Variants in NRG3 observed in about 807,000 individuals in gnomAD.
NRG3 encodes neuregulin 3, also known as pro-neuregulin-3, membrane-bound isoform.
A neutral mutation model predicts 66.9 loss-of-function variants in NRG3; 31 were observed. The ratio of observed to expected loss-of-function variants is 0.46; its 90% CI spans 0.35 to 0.63. The LOEUF is 0.63. Among genes scored for constraint, NRG3 ranks in the 20% least tolerant of loss-of-function variants. NRG3 has a pLI of 0.00. For synonymous variants in NRG3, 393 were observed against 359.4 expected, an observed-to-expected ratio of 1.09 and a Z score of -1.06; for missense variants, 910 against 878.9, an observed-to-expected ratio of 1.04 and a Z score of -0.45.
intron 4 of NRG3, among the ~76,000 whole-genome samples, chr10:82,909,526 T>G (rs945841673): frequency 1.7e-4 from 26 of 152,246 alleles, no homozygotes; most frequent in African/African-American, 6.3e-4. Flanking sequence ...ACCCTCCAAG[T>G]ACCATTCACT....
At chr10:82,712,158 T>C (rs2056709046) in intron 2 of NRG3, among the ~76,000 whole-genome samples, 1 of 151,518 alleles carries the variant, frequency 6.6e-6, no homozygotes, top group Non-Finnish European at 1.5e-5. Context: ...AAAAAATATT[T>C]TCTTCTAAAT....
At chr10:82,707,004 AAT>A (rs1379195259) in intron 2 of NRG3, among the ~76,000 whole-genome samples, 44 of 114,496 alleles carry the variant, frequency 3.8e-4, no homozygotes, top group African/African-American at 1.2e-3. Flanking sequence ...AAAAAAAAAA[AAT>A]AAAATAAAAT....
At chr10:82,023,605 T>A (rs1448426166) in intron 1 of NRG3, among the ~76,000 whole-genome samples, 1 of 152,132 alleles carries the variant, frequency 6.6e-6, no homozygotes, top group Non-Finnish European at 1.5e-5. Context: ...TCAGCAGCTA[T>A]GATCATATGG....
chr10:82,482,703 A>G (rs371908137), intron 2 of NRG3, among the ~76,000 whole-genome samples: 1 of 152,136 alleles, frequency 6.6e-6, no homozygotes, highest in Non-Finnish European at 1.5e-5. Flanking sequence ...ATAACCAGCT[A>G]TCTTGATGTT....
At chr10:82,164,478 T>C (rs1359336228) in intron 1 of NRG3, among the ~76,000 whole-genome samples, 3 of 152,146 alleles carry the variant, frequency 2.0e-5, no homozygotes, top group African/African-American at 7.2e-5. Flanking sequence ...ACATTTGTAC[T>C]CATTAACCAA....
At chr10:82,007,668 T>G (rs1462115165) in intron 1 of NRG3, among the ~76,000 whole-genome samples, 1 of 152,192 alleles carries the variant, frequency 6.6e-6, no homozygotes, top group Non-Finnish European at 1.5e-5. Context: ...ATATAATTCT[T>G]AATTCTTTTA....
chr10:81,999,207 A>G (rs1431077791), intron 1 of NRG3, among the ~76,000 whole-genome samples: 2 of 152,244 alleles, frequency 1.3e-5, no homozygotes, highest in Admixed American at 6.5e-5. Context: ...AAGGTAAAAC[A>G]TGTGCTTTAT....
At chr10:82,887,562 AG>A (rs1842829512) in intron 4 of NRG3, among the ~76,000 whole-genome samples, 1 of 152,258 alleles carries the variant, frequency 6.6e-6, no homozygotes, top group South Asian at 2.1e-4. Flanking sequence ...TATAAATCAC[AG>A]GTATATTCAT....
intron 1 of NRG3, among the ~76,000 whole-genome samples, chr10:82,044,448 CAA>C (rs1213336397): frequency 2.0e-5 from 3 of 151,988 alleles, no homozygotes; most frequent in East Asian, 3.9e-4. Flanking sequence ...TGAGAGAAAA[CAA>C]GAATATCCAG....
At chr10:82,938,779 T>C (rs1344227284) in intron 4 of NRG3, among the ~76,000 whole-genome samples, 6 of 152,212 alleles carry the variant, frequency 3.9e-5, no homozygotes, top group Admixed American at 3.9e-4. Flanking sequence ...CTTAAACCGC[T>C]GGGTCAGATT....
intron 1 of NRG3, among the ~76,000 whole-genome samples, chr10:81,876,993 A>G (rs2132435746): frequency 6.6e-6 from 1 of 152,204 alleles, no homozygotes; most frequent in Admixed American, 6.5e-5. Flanking sequence ...TGTGAACCTT[A>G]TCTCCTCTCC....
chr10:82,845,556 T>C (rs1283063283), intron 3 of NRG3, among the ~76,000 whole-genome samples: 1 of 151,584 alleles, frequency 6.6e-6, no homozygotes, highest in Non-Finnish European at 1.5e-5. Context: ...GGTGTAGATG[T>C]TAAAAATCTT....
At chr10:82,018,752 A>G (rs1265537015) in intron 1 of NRG3, among the ~76,000 whole-genome samples, 5 of 152,248 alleles carry the variant, frequency 3.3e-5, no homozygotes, top group East Asian at 1.9e-4. Flanking sequence ...TTATTGGTGT[A>G]TAAGAATGCT....
intron 2 of NRG3, among the ~76,000 whole-genome samples, chr10:82,376,878 G>T (rs926616209): frequency 6.6e-6 from 1 of 152,110 alleles, no homozygotes. Flanking sequence ...TATGCTAGGT[G>T]CTTCATTGCA....
intron 2 of NRG3, among the ~76,000 whole-genome samples, chr10:82,596,806 G>A (rs971282282): frequency 2.0e-5 from 3 of 152,126 alleles, no homozygotes; most frequent in Non-Finnish European, 2.9e-5. Flanking sequence ...GAAGTCTATG[G>A]CAATGCTCCA....
intron 2 of NRG3, among the ~76,000 whole-genome samples, chr10:82,631,962 T>G (rs141496986): frequency 1.3e-4 from 19 of 151,556 alleles, no homozygotes; most frequent in African/African-American, 4.6e-4. Context: ...ATTAGCTGAG[T>G]GTGGTGCCAG....
intron 2 of NRG3, among the ~76,000 whole-genome samples, chr10:82,600,024 A>G (rs1452876130): frequency 1.3e-5 from 2 of 152,168 alleles, no homozygotes; most frequent in Non-Finnish European, 2.9e-5. Context: ...AAATAGTGAT[A>G]TTCAGGTGTC....
intron 2 of NRG3, among the ~76,000 whole-genome samples, chr10:82,627,714 C>T (rs778495533): frequency 1.3e-5 from 2 of 152,160 alleles, no homozygotes; most frequent in Non-Finnish European, 2.9e-5. Flanking sequence ...TGGACTCTCA[C>T]ATACATCCCT....
chr10:82,678,965 G>A (rs887636725), intron 2 of NRG3, among the ~76,000 whole-genome samples: 4 of 152,150 alleles, frequency 2.6e-5, no homozygotes, highest in African/African-American at 9.7e-5. Context: ...TATTTGAGGT[G>A]GACAATCTGA....
Sources: allele counts gnomAD v4.1 joint callset (sites outside exome capture counted in the v4.1 genomes callset), GRCh38; gene constraint gnomAD v4.1.1; transcripts MANE v1.5; gene names NCBI Gene and HGNC (gene_info 2026-07-23, HGNC 2026-07-21).